Variants in VEPH1 observed in about 807,000 individuals in gnomAD.
VEPH1 encodes the protein ventricular zone expressed PH domain containing 1.
Under a neutral mutation model 85.2 loss-of-function variants are expected in VEPH1, and 80 were observed. That is an observed-to-expected ratio of 0.94 (90% CI 0.78 to 1.13). The LOEUF (loss-of-function observed/expected upper bound fraction) is 1.13, where lower values mean the gene tolerates loss of function less well. Among genes scored for constraint, VEPH1 ranks in the 50% most tolerant of loss-of-function variants. The pLI is 0.00. For synonymous variants in VEPH1, 297 were observed against 348.0 expected, an observed-to-expected ratio of 0.85 and a Z score of 1.63; for missense variants, 955 against 980.5, an observed-to-expected ratio of 0.97 and a Z score of 0.35.
intron 5 of VEPH1, among the ~76,000 whole-genome samples, chr3:157,414,770 G>T (rs7652804): frequency 0.072 from 10,937 of 152,176 alleles, 598 homozygotes; most frequent in South Asian, 0.22. Flanking sequence ...TTGATAATTT[G>T]ATGAATTGTT....
At chr3:157,459,114 C>A (rs1577706391) in intron 4 of VEPH1, among the ~76,000 whole-genome samples, 2 of 152,306 alleles carry the variant, frequency 1.3e-5, no homozygotes, top group Admixed American at 1.3e-4. Context: ...AATTACTGGG[C>A]TAAGGACTTG....
chr3:157,287,472 G>C (rs1462206809), intron 11 of VEPH1, among the ~76,000 whole-genome samples: 1 of 152,084 alleles, frequency 6.6e-6, no homozygotes, highest in Non-Finnish European at 1.5e-5. Context: ...CTTGGCTCCA[G>C]GACTGTTTAG....
chr3:157,355,985 G>A (rs922363983), intron 9 of VEPH1, among the ~76,000 whole-genome samples: 1 of 149,628 alleles, frequency 6.7e-6, no homozygotes, highest in East Asian at 2.0e-4. Flanking sequence ...CTGCAGCCTC[G>A]ACCTCTTGGA....
In VEPH1 at chr3:157,300,884, T is replaced by C. The variant is rs149789974; in HGVS notation, c.2010+12737A>G. Among the ~76,000 whole-genome samples the C allele has an allele frequency of 2.0e-5, 3 of 152,344 alleles. No individual in the cohort carries two copies. The East Asian group carries it at 5.8e-4, about 29-fold the overall frequency. On this transcript the variant is annotated intron_variant, in intron 11 of 13. Transcript: ENST00000362010. ...AAATAGTATTTAGGGAGGCAAAGTT[T>C]AGAATTTGGCTGAACTTCCAAACTC...
chr3:157,458,728 A>G (rs1398649963), intron 4 of VEPH1, among the ~76,000 whole-genome samples: 1 of 152,094 alleles, frequency 6.6e-6, no homozygotes, highest in Non-Finnish European at 1.5e-5. Context: ...TATTTCCTAG[A>G]TTTTCCTTGA....
At chr3:157,422,254 G>A (rs1042966501) in intron 5 of VEPH1, among the ~76,000 whole-genome samples, 1 of 152,114 alleles carries the variant, frequency 6.6e-6, no homozygotes, top group Non-Finnish European at 1.5e-5. Context: ...GTCAGTGGGG[G>A]ACATGAAAGT....
chr3:157,404,323 T>C (rs1162581829), intron 6 of VEPH1, among the ~76,000 whole-genome samples: 1 of 152,148 alleles, frequency 6.6e-6, no homozygotes, highest in Non-Finnish European at 1.5e-5. Context: ...TGTGTATTCA[T>C]GCACTAAATA....
intron 9 of VEPH1, 150 bp downstream of exon 9, chr3:157,363,214 A>C (rs1349490620): frequency 1.3e-6 from 1 of 762,522 alleles, no homozygotes. Flanking sequence ...AAAAAAAAAA[A>C]AAAACTAACA....
chr3:157,378,686 G>T (rs1037820419), intron 7 of VEPH1, among the ~76,000 whole-genome samples: 9 of 152,132 alleles, frequency 5.9e-5, no homozygotes, highest in African/African-American at 2.2e-4. Flanking sequence ...TCTGTGAATA[G>T]TTATTGACTT....
At chr3:157,487,951 G>T (rs181319145) in intron 2 of VEPH1, among the ~76,000 whole-genome samples, 1 of 152,170 alleles carries the variant, frequency 6.6e-6, no homozygotes, top group East Asian at 1.9e-4. Context: ...TGAAAAGTCA[G>T]AAAATTCTCT....
intron 4 of VEPH1, chr3:157,438,028 C>A: frequency 2.4e-6 from 2 of 839,528 alleles, no homozygotes; most frequent in Non-Finnish European, 3.5e-6. Flanking sequence ...GAAGCGCGCG[C>A]GCGCGCGCGC....
At chr3:157,293,002 A>G (rs1717707442) in intron 11 of VEPH1, among the ~76,000 whole-genome samples, 2 of 151,946 alleles carry the variant, frequency 1.3e-5, no homozygotes. Context: ...AAAAAAAAGA[A>G]AAAAGAAAAA....
At chr3:157,394,344 A>G (rs1730168980) in intron 6 of VEPH1, among the ~76,000 whole-genome samples, 1 of 152,238 alleles carries the variant, frequency 6.6e-6, no homozygotes, top group South Asian at 2.1e-4. Context: ...AAGTGGGTTC[A>G]GAAGCTTTTT....
chr3:157,500,192 A>G (rs534112115), intron 1 of VEPH1, among the ~76,000 whole-genome samples: 1 of 152,210 alleles, frequency 6.6e-6, no homozygotes, highest in Non-Finnish European at 1.5e-5. Context: ...TGACACTCCG[A>G]TGGAGAAAAG....
In VEPH1 at chr3:157,420,301, C is replaced by T. The variant is rs534481963; in HGVS notation, c.697-6211G>A. ...CACACATTTAGCTATGTAACAAACC[C>T]GCACATCCTGCCCATGTACCCCAGA... On this transcript the variant is annotated intron_variant, in intron 5 of 13. Coordinates refer to ENST00000362010, the MANE Select transcript of VEPH1 (RefSeq NM_001167912.2). 4.6e-5 allele frequency among the ~76,000 whole-genome samples: 7 copies of T among 152,000 alleles called. 1 individual carries two copies. The highest frequency in any genetic ancestry group is 1.4e-4 in the African/African-American group (6 of 41,460).
intron 9 of VEPH1, among the ~76,000 whole-genome samples, chr3:157,359,205 A>G (rs980156147): frequency 1.3e-5 from 2 of 152,230 alleles, no homozygotes; most frequent in Non-Finnish European, 2.9e-5. Context: ...ATAGAACTTC[A>G]GTTATGGGCC....
chr3:157,428,389 A>C lies in VEPH1; in HGVS notation c.629T>G (p.Leu210Arg). 1 of 1,614,132 alleles carries C rather than the reference A, an allele frequency of 6.2e-7. No homozygotes were observed. The highest frequency in any genetic ancestry group is 8.5e-7 in the Non-Finnish European group (1 of 1,180,014). ...TAGATGGTACTGTTCTGGCTGTTCC[A>C]GCTGAGACATCAAGGCCAGGAGTTC... ...LTELLALMSQ[L>R]EQPEQYHLLR... Residue 210 changes from leucine to arginine, a missense_variant, in exon 5 of 14, where the codon CTG (leucine) becomes CGG (arginine). Leu to Arg is a moderately radical substitution (Grantham distance 102, BLOSUM62 -2). Coordinates refer to ENST00000362010, the MANE Select transcript of VEPH1 (RefSeq NM_001167912.2).
At position 157,381,202 on chromosome 3, in the gene VEPH1, T is replaced by A. The variant is rs776488445; in HGVS notation, c.1081A>T (p.Lys361Ter). The stretch of plus-strand genomic sequence containing the variant: ...TTTTCCAGTTGTCGGGTAAGGAGTT[T>A]AGCAATGGCGGTGAAGCTGTTGCTC... ...RMSNSFTAIA[K>*]LLTRQLENTK... The change falls in exon 7 of 14, where the codon AAA (lysine) becomes TAA (stop). Residue 361 changes from lysine to a stop codon, truncating the protein, a stop_gained. Transcript: ENST00000362010. LOFTEE classifies it high-confidence loss of function. The A allele has an allele frequency of 3.1e-6, 5 of 1,613,936 alleles. No individual in the cohort carries two copies. The highest frequency in any genetic ancestry group is 3.4e-6 in the Non-Finnish European group (4 of 1,180,006).
chr3:157,429,547 G>T (rs1732990367), intron 4 of VEPH1, among the ~76,000 whole-genome samples: 1 of 152,106 alleles, frequency 6.6e-6, no homozygotes, highest in Non-Finnish European at 1.5e-5. Flanking sequence ...AATGAGAATT[G>T]TTTTTTCCAC....
Sources: allele counts gnomAD v4.1 joint callset (sites outside exome capture counted in the v4.1 genomes callset), GRCh38; gene constraint gnomAD v4.1.1; transcripts MANE v1.5; gene names NCBI Gene and HGNC (gene_info 2026-07-23, HGNC 2026-07-21).